The following PHACTR1 variants were observed in gnomAD, a reference collection of about 807,000 sequenced individuals.
The protein encoded by PHACTR1 is phosphatase and actin regulator 1, also known as RPEL repeat containing 1.
In PHACTR1, 16 loss-of-function variants were observed where a neutral mutation model predicts 69.2. The ratio of observed to expected loss-of-function variants is 0.23; its 90% confidence interval spans 0.16 to 0.35. The LOEUF (loss-of-function observed/expected upper bound fraction) is 0.35. Among genes scored for constraint, PHACTR1 ranks in the 10% least tolerant of loss-of-function variants. The probability of loss-of-function intolerance (pLI) is 1.00; values close to 1 mark genes in which losing one functional copy is unlikely to be tolerated. For synonymous variants in PHACTR1, 312 were observed against 284.5 expected (o/e 1.10, Z -0.97); for missense variants, 510 against 734.7 (o/e 0.69, Z 3.54).
chr6:12,864,776 T>A (rs967294230), intron 4 of PHACTR1, among the ~76,000 whole-genome samples: 1 of 152,112 alleles, frequency 6.6e-6, no homozygotes, highest in African/African-American at 2.4e-5. Flanking sequence ...TTGAAGAGAT[T>A]CAGTGAAAAT....
At position 12,957,751 on chromosome 6, in the gene PHACTR1, G is replaced by A. The variant is rs952478007; in HGVS notation, c.251-95614G>A. On this transcript the variant is annotated intron_variant, in intron 4 of 14. Coordinates refer to ENST00000332995, the MANE Select transcript of PHACTR1 (RefSeq NM_030948.6). ...CCAGATGGGTGGCCACCTAGTCCAC[G>A]GTGAGTTGAATCCATCCCCCGACTT... 19 of 985,398 alleles carry A rather than the reference G, an allele frequency of 1.9e-5. No individual in the cohort carries two copies. In the African/African-American group the frequency reaches 2.8e-4, roughly 15 times the overall value. 61.0% of individuals were successfully genotyped at this position (985,398 alleles called of 1,614,324 possible).
intron 4 of PHACTR1, among the ~76,000 whole-genome samples, chr6:12,933,056 C>T (rs948685021): frequency 5.9e-5 from 9 of 151,778 alleles, no homozygotes; most frequent in African/African-American, 2.2e-4. Context: ...CTGCCTCAGC[C>T]TCCCAAGTAG....
At chr6:13,146,456 G>A (rs1229763276) in intron 5 of PHACTR1, among the ~76,000 whole-genome samples, 3 of 152,192 alleles carry the variant, frequency 2.0e-5, no homozygotes, top group African/African-American at 7.2e-5. Flanking sequence ...TTCTCTGTCT[G>A]ATAAAAAGTC....
intron 4 of PHACTR1, among the ~76,000 whole-genome samples, chr6:12,767,330 T>C (rs998076838): frequency 2.0e-5 from 3 of 152,208 alleles, no homozygotes; most frequent in African/African-American, 7.2e-5. Context: ...GCACCATTAC[T>C]TGACTAGATC....
At chr6:12,955,069 G>T (rs1005939857) in intron 4 of PHACTR1, among the ~76,000 whole-genome samples, 1 of 151,724 alleles carries the variant, frequency 6.6e-6, no homozygotes, top group East Asian at 1.9e-4. Flanking sequence ...ATTACATATT[G>T]AAATAATGTT....
At chr6:13,244,604 G>A (rs1222042841) in intron 10 of PHACTR1, among the ~76,000 whole-genome samples, 1 of 152,208 alleles carries the variant, frequency 6.6e-6, no homozygotes, top group Admixed American at 6.5e-5. Context: ...CTGAGAAAAA[G>A]AATTCAGCGA....
chr6:12,945,325 C>T (rs1790558730), intron 4 of PHACTR1, among the ~76,000 whole-genome samples: 3 of 152,188 alleles, frequency 2.0e-5, no homozygotes, highest in African/African-American at 7.2e-5. Context: ...GCTCTTACTG[C>T]ATTTTGTGGT....
rs752176156 is a variant in PHACTR1 at position 13,245,785 on chromosome 6, A to G, written c.1391+15592A>G. Among the ~76,000 whole-genome samples, 1 of 151,922 alleles carries G rather than the reference A, an allele frequency of 6.6e-6. No individual in the cohort carries two copies. The highest frequency in any genetic ancestry group is 1.5e-5 in the Non-Finnish European group (1 of 67,996). On this transcript the variant is annotated intron_variant, in intron 10 of 14. Coordinates refer to ENST00000332995, the MANE Select transcript of PHACTR1 (RefSeq NM_030948.6). This position sits in a 1 kb window ranked among gnomAD's most constrained non-coding sequence, Gnocchi z 4.1. ...TATCTTCCAGGGTTTTTATAGTTTT[A>G]GGTTTTAAGTCTTTTAATCTATCTC...
chr6:13,199,736 A>G (rs1241374705), intron 7 of PHACTR1, among the ~76,000 whole-genome samples: 2 of 152,206 alleles, frequency 1.3e-5, no homozygotes, highest in African/African-American at 4.8e-5. Flanking sequence ...TAGACAAGAT[A>G]TAGATAGAAA....
chr6:12,898,174 G>C (rs1784860644), intron 4 of PHACTR1, among the ~76,000 whole-genome samples: 2 of 151,878 alleles, frequency 1.3e-5, no homozygotes, highest in African/African-American at 2.4e-5. Context: ...CTATCTCTCT[G>C]TCCATTTTTG....
intron 4 of PHACTR1, among the ~76,000 whole-genome samples, chr6:13,033,415 A>G (rs1014972475): frequency 6.6e-6 from 1 of 152,186 alleles, no homozygotes; most frequent in Non-Finnish European, 1.5e-5. Flanking sequence ...TCATCATACT[A>G]TTATACATGA....
intron 8 of PHACTR1, 116 bp from the exon 9 acceptor site, chr6:13,227,699 GC>G: frequency 7.5e-7 from 1 of 1,337,992 alleles, no homozygotes; most frequent in Non-Finnish European, 1.0e-6. Flanking sequence ...AACTTTACTT[GC>G]CCAGTAGACC....
chr6:12,825,764 A>G (rs1776734322), intron 4 of PHACTR1, among the ~76,000 whole-genome samples: 1 of 152,050 alleles, frequency 6.6e-6, no homozygotes, highest in Non-Finnish European at 1.5e-5. Flanking sequence ...GTTCCTCTGC[A>G]GGTCTGGTTG....
At chr6:13,278,215 TG>T in intron 11 of PHACTR1, 52 bp from the exon 12 acceptor site, 1 of 1,527,296 alleles carries the variant, frequency 6.5e-7, no homozygotes, top group Non-Finnish European at 8.9e-7. Flanking sequence ...AGGATGCACC[TG>T]TACACAACAC....
At chr6:12,843,491 A>G (rs752314651) in intron 4 of PHACTR1, among the ~76,000 whole-genome samples, 2 of 152,224 alleles carry the variant, frequency 1.3e-5, no homozygotes, top group Non-Finnish European at 2.9e-5. Flanking sequence ...ATAAATAGAT[A>G]AACAGATAGA....
intron 4 of PHACTR1, among the ~76,000 whole-genome samples, chr6:12,818,552 AGTTGCTGCAAAGAATTTGTG>A (rs1179898245): frequency 6.6e-6 from 1 of 152,206 alleles, no homozygotes; most frequent in African/African-American, 2.4e-5. Flanking sequence ...ACGTGATGGA[AGTTGCTGCAAAGAATTTGTG>A]GTCACTCAGA....
chr6:12,990,061 T>C (rs1796638384), intron 4 of PHACTR1, among the ~76,000 whole-genome samples: 1 of 152,158 alleles, frequency 6.6e-6, no homozygotes, highest in Non-Finnish European at 1.5e-5. Flanking sequence ...CTCTTGTGGC[T>C]TTCCACAACT....
intron 4 of PHACTR1, among the ~76,000 whole-genome samples, chr6:12,950,385 T>C (rs181451471): frequency 6.6e-6 from 1 of 152,352 alleles, no homozygotes; most frequent in East Asian, 1.9e-4. Flanking sequence ...TCTACCATAC[T>C]GTGTGTAAGC....
intron 3 of PHACTR1, among the ~76,000 whole-genome samples, chr6:12,720,122 G>A (rs1761911642): frequency 1.3e-5 from 2 of 152,196 alleles, no homozygotes; most frequent in Admixed American, 1.3e-4. Flanking sequence ...AACCTCTTCT[G>A]GGTCTGCAAG....
Sources: gnomAD v4.1 joint callset for allele counts (sites outside exome capture counted in the v4.1 genomes callset) on GRCh38, gnomAD v4.1.1 for gene constraint, Gnocchi (gnomAD v3.1) non-coding constraint, MANE v1.5 for transcripts, NCBI Gene and HGNC (gene_info 2026-07-23, HGNC 2026-07-21) for gene names.